Variants in EFCAB8 observed in about 807,000 individuals in gnomAD.
EFCAB8 encodes the protein EF-hand calcium-binding domain-containing protein 8.
Under a neutral mutation model 116.3 loss-of-function variants are expected in EFCAB8, and 100 were observed. That is an observed-to-expected ratio of 0.86 (90% CI 0.73 to 1.02). The LOEUF (loss-of-function observed/expected upper bound fraction) is 1.02. EFCAB8 is among the 50% of genes least tolerant of loss of function. The pLI, the probability that EFCAB8 is intolerant of heterozygous loss-of-function variation, is 0.00. For missense variants in EFCAB8, 1,320 were observed against 1,416.9 expected, an observed-to-expected ratio of 0.93 and a Z score of 1.10; for synonymous variants, 558 against 567.9, an observed-to-expected ratio of 0.98 and a Z score of 0.25.
At chr20:32,917,231 A>T in intron 17 of EFCAB8, 70 bp from the exon 18 acceptor site, 1 of 1,249,242 alleles carries the variant, frequency 8.0e-7, no homozygotes. Flanking sequence ...TCAAGGCTCC[A>T]GTGCTTCCCC....
intron 5 of EFCAB8, among the ~76,000 whole-genome samples, chr20:32,882,220 C>A (rs1181142994): frequency 6.6e-6 from 1 of 152,112 alleles, no homozygotes; most frequent in Non-Finnish European, 1.5e-5. Flanking sequence ...AAAAAAACAG[C>A]ATGCAAATGC....
intron 1 of EFCAB8, among the ~76,000 whole-genome samples, chr20:32,862,598 T>C (rs1174038140): frequency 2.0e-5 from 3 of 152,086 alleles, no homozygotes; most frequent in African/African-American, 7.2e-5. Flanking sequence ...TACCGTTCAG[T>C]CTTCTCCCTC....
At chr20:32,921,944 C>T (rs971422135) in intron 20 of EFCAB8, among the ~76,000 whole-genome samples, 1 of 151,848 alleles carries the variant, frequency 6.6e-6, no homozygotes, top group Non-Finnish European at 1.5e-5. Flanking sequence ...ATTCTCCTGC[C>T]TCAGCCTCCA....
intron 4 of EFCAB8, among the ~76,000 whole-genome samples, chr20:32,876,370 C>T (rs991259973): frequency 2.0e-5 from 3 of 152,230 alleles, no homozygotes; most frequent in African/African-American, 4.8e-5. Context: ...GCTGGTACCA[C>T]GACCATCTCA....
Position 32,930,499 on chromosome 20 carries a change from A to G in EFCAB8, c.2514A>G (p.Gly838=). The G allele has an allele frequency of 6.4e-7, 1 of 1,552,136 alleles. No homozygotes were observed. Among genetic ancestry groups the G allele is most frequent in the South Asian group, 1.2e-5 (1 of 84,058 alleles). The stretch of plus-strand genomic sequence containing the variant: ...ACGCCTGGTCCCTCCATGAGAATGG[A>G]GGCCTGCTGGGGAAGTTCCCTGTGG... ...YIYAWSLHEN[G]GLLGKFPVDL... is the part of the protein sequence containing the mutation. The change falls in exon 21 of 27, where the codon GGA becomes GGG. Residue 838 remains glycine (G), a synonymous_variant. Transcript: ENST00000400522.
At chr20:32,940,824 C>G (rs545583114) in intron 22 of EFCAB8, among the ~76,000 whole-genome samples, 20 of 150,044 alleles carry the variant, frequency 1.3e-4, no homozygotes, top group African/African-American at 4.7e-4. Context: ...TGATGGTGAA[C>G]ATCATTAGCT....
chr20:32,956,688 T>C (rs1033185990), intron 23 of EFCAB8, among the ~76,000 whole-genome samples: 1 of 152,170 alleles, frequency 6.6e-6, no homozygotes, highest in Non-Finnish European at 1.5e-5. Flanking sequence ...TGTCTTTTTT[T>C]CCCCTGGCTG....
chr20:32,904,666 C>T (rs965773480), intron 11 of EFCAB8, among the ~76,000 whole-genome samples: 3 of 150,612 alleles, frequency 2.0e-5, no homozygotes, highest in African/African-American at 7.3e-5. Flanking sequence ...TTCTCTGTCA[C>T]CCAGGCTGGG....
intron 20 of EFCAB8, among the ~76,000 whole-genome samples, chr20:32,924,808 G>A (rs181183525): frequency 1.3e-5 from 2 of 152,286 alleles, no homozygotes; most frequent in Admixed American, 6.5e-5. Context: ...GAGGCACTGT[G>A]GCTGGCAGGG....
intron 11 of EFCAB8, among the ~76,000 whole-genome samples, chr20:32,901,285 C>T (rs745686488): frequency 6.6e-6 from 1 of 152,170 alleles, no homozygotes; most frequent in African/African-American, 2.4e-5. Flanking sequence ...TGTCTTGAGT[C>T]ACACATAAAA....
intron 23 of EFCAB8, among the ~76,000 whole-genome samples, chr20:32,956,726 A>C (rs955789537): frequency 1.3e-5 from 2 of 151,986 alleles, no homozygotes; most frequent in African/African-American, 4.8e-5. Context: ...TTTGACTATG[A>C]TGTGCGTAAG....
intron 23 of EFCAB8, 132 bp from the exon 24 acceptor site, chr20:32,958,289 C>T (rs1989034856): frequency 2.5e-6 from 1 of 398,700 alleles, no homozygotes; most frequent in Non-Finnish European, 4.5e-6. Flanking sequence ...GGTGGGCACT[C>T]AACATTTGAG....
chr20:32,906,819 C>A, intron 12 of EFCAB8, 24 bp from the exon 13 acceptor site: 2 of 1,216,666 alleles, frequency 1.6e-6, no homozygotes, highest in Non-Finnish European at 2.4e-6. Context: ...GCCCCTGGGA[C>A]TGACACCCAC....
At chr20:32,941,741 G>C (rs571753332) in intron 22 of EFCAB8, among the ~76,000 whole-genome samples, 1 of 152,174 alleles carries the variant, frequency 6.6e-6, no homozygotes, top group Non-Finnish European at 1.5e-5. Flanking sequence ...ACTGGGTAAA[G>C]AGTTTCTTTC....
chr20:32,931,294 T>G lies in EFCAB8; in HGVS notation c.2748T>G (p.Leu916=), dbSNP rs1407194331. Residue 916 remains leucine (L), a synonymous_variant, in exon 22 of 27, where the codon CTT becomes CTG. Coordinates refer to ENST00000400522, the MANE Select transcript of EFCAB8 (RefSeq NM_001143967.2). ...TCCGGTTGTTAATTCCTCAGCAACT[T>G]GGGACCAACTTCCCACACTACATTC... The part of the protein sequence containing the change: ...NKFRLLIPQQ[L]GTNFPHYIPL... The G allele has an allele frequency of 1.6e-5, 25 of 1,551,264 alleles. No homozygotes were observed. Among genetic ancestry groups the G allele is most frequent in the Middle Eastern group, 1.7e-4 (1 of 6,010 alleles).
intron 11 of EFCAB8, among the ~76,000 whole-genome samples, chr20:32,899,212 C>T (rs900276103): frequency 1.3e-5 from 2 of 150,172 alleles, no homozygotes; most frequent in African/African-American, 4.9e-5. Context: ...GGCGAAACCC[C>T]GTCTCTACTA....
intron 18 of EFCAB8, 127 bp downstream of exon 18, chr20:32,917,632 G>T (rs1315177698): frequency 7.3e-6 from 8 of 1,093,560 alleles, no homozygotes; most frequent in South Asian, 4.8e-5. Flanking sequence ...TCTGGATGGG[G>T]TGGGGAGCTT....
At position 32,884,016 on chromosome 20, in the gene EFCAB8, G is replaced by A. The variant is rs542872628; in HGVS notation, c.432-1489G>A. On this transcript the variant is annotated intron_variant, in intron 5 of 26. Transcript: ENST00000400522. ...CTTCCAAAGTGCTGGGATTACAGGC[G>A]TGAGCCACTCTGCCCGGTCAGGTCT... is the stretch of plus-strand genomic sequence containing the variant. 4.6e-5 allele frequency among the ~76,000 whole-genome samples: 7 copies of A among 152,252 alleles called. No individual in the cohort carries two copies. In the South Asian group the frequency reaches 1.0e-3, roughly 23 times the overall value.
In EFCAB8 at chr20:32,898,560, C is replaced by T; in HGVS notation, c.1025C>T (p.Ser342Leu). The T allele has an allele frequency of 1.4e-6, 1 of 718,676 alleles. No individual in the cohort carries two copies. The highest frequency in any genetic ancestry group is 2.6e-6 in the Non-Finnish European group (1 of 385,122). 44.5% of individuals were successfully genotyped at this position (718,676 alleles called of 1,614,324 possible). A position where few individuals can be genotyped will look rare whatever the true frequency, so the allele number is the denominator to read the frequency against. Residue 342 changes from serine (S) to leucine (L), a missense_variant, in exon 11 of 27, where the codon TCA becomes TTA. Physicochemically the swap from Ser to Leu is moderately radical, Grantham distance 145. Transcript: ENST00000400522. ...CAGATGAATGTGGTAGTCTCCTGTT[C>T]AGCCATCGAGAAGTCCTCTCTGGTG... is the stretch of plus-strand genomic sequence containing the variant. The part of the protein sequence containing the change: ...IPQMNVVVSC[S>L]AIEKSSLVLT...
Sources: allele counts gnomAD v4.1 joint callset (sites outside exome capture counted in the v4.1 genomes callset), GRCh38; gene constraint gnomAD v4.1.1; transcripts MANE v1.5; gene names NCBI Gene and HGNC (gene_info 2026-07-23, HGNC 2026-07-21).